The following ZNF90 variants were observed in gnomAD, a reference collection of about 807,000 sequenced individuals.
The protein encoded by ZNF90 is zinc finger protein HTF9.
Under a neutral mutation model 12.0 loss-of-function variants are expected in ZNF90, and 11 were observed. The observed-to-expected ratio is 0.92, with a 90% confidence interval of 0.58 to 1.52. The LOEUF (loss-of-function observed/expected upper bound fraction) is 1.52, where lower values mean the gene tolerates loss of function less well. Ranked by LOEUF, ZNF90 falls within the 40% of genes most tolerant of loss-of-function variation. The probability of loss-of-function intolerance (pLI) is 0.00; values close to 1 mark genes in which losing one functional copy is unlikely to be tolerated. For missense variants in ZNF90, 765 were observed against 711.5 expected, an observed-to-expected ratio of 1.08 and a Z score of -0.86; for synonymous variants, 232 against 240.1, an observed-to-expected ratio of 0.97 and a Z score of 0.31.
chr19:20,100,148 C>T (rs1047293903), intron 1 of ZNF90, among the ~76,000 whole-genome samples: 2 of 152,166 alleles, frequency 1.3e-5, no homozygotes, highest in Non-Finnish European at 2.9e-5. Context: ...GAATGGGGAA[C>T]CTCAGGAGGA....
chr19:20,091,331 G>A (rs1162224071), intron 1 of ZNF90, among the ~76,000 whole-genome samples: 10 of 152,132 alleles, frequency 6.6e-5, no homozygotes, highest in Non-Finnish European at 1.2e-4. Flanking sequence ...AGATTTCCAT[G>A]ATGGAAAGGA....
At position 20,121,075 on chromosome 19, in the gene ZNF90, G is replaced by T; in HGVS notation, c.*1715G>T. ...CAGAGTAATACTTTTCTACATTATA[G>T]TGAGAGAAATTATGAATTACAGTTA... On this transcript the variant is annotated 3_prime_UTR_variant, in exon 4 of 4. Coordinates refer to ENST00000418063, the MANE Select transcript of ZNF90 (RefSeq NM_007138.2). 5.6e-6 allele frequency: 1 copy of T among 177,072 alleles called. No homozygotes were observed. Among genetic ancestry groups the T allele is most frequent in the Non-Finnish European group, 1.2e-5 (1 of 81,082 alleles). 11.0% of individuals were successfully genotyped at this position (177,072 alleles called of 1,614,324 possible).
chr19:20,083,261 AT>A (rs1220671259), intron 1 of ZNF90, among the ~76,000 whole-genome samples: 3 of 151,188 alleles, frequency 2.0e-5, no homozygotes, highest in Non-Finnish European at 4.4e-5. Context: ...GTCCCACCCG[AT>A]GAGAAATACT....
chr19:20,119,233 C>G lies in ZNF90; in HGVS notation c.1679C>G (p.Thr560Ser). Residue 560 changes from threonine to serine, a missense_variant, in exon 4 of 4, where the codon ACT becomes AGT. Transcript: ENST00000418063. Reference protein sequence around the residue: ...SQLTSHKISHTGEKPYKCEEC... With the variant: ...SQLTSHKISHSGEKPYKCEEC... ...CTTACTAGTCATAAGATAAGTCATA[C>G]TGGAGAGAAACCCTACAAATGTGAA... 1.9e-6 allele frequency: 3 copies of G among 1,612,788 alleles called. No individual in the cohort carries two copies. The African/African-American group carries it at 4.0e-5, about 22-fold the overall frequency.
In ZNF90 at chr19:20,119,622, C is replaced by CA; in HGVS notation, c.*262_*263insA. On this transcript the variant is annotated 3_prime_UTR_variant, in exon 4 of 4. Transcript: ENST00000418063. Reference sequence around the variant, plus strand: ...CAAAGCCTATAACAAGTTCTCAATTCTTTTTTTTTTTTTTTAAGAAGGAGT... The same window carrying CA: ...CAAAGCCTATAACAAGTTCTCAATTCATTTTTTTTTTTTTTTAAGAAGGAGT... 2 of 234,242 alleles carry CA rather than the reference C, an allele frequency of 8.5e-6. No individual in the cohort carries two copies. The highest frequency in any genetic ancestry group is 1.6e-5 in the Non-Finnish European group (2 of 123,388). The allele number at this position is 234,242 out of a possible 1,614,324, so 14.5% of individuals were successfully genotyped here. A position where few individuals can be genotyped will look rare whatever the true frequency, so the allele number is the denominator to read the frequency against.
At chr19:20,086,206 A>G (rs1555702018) in intron 1 of ZNF90, among the ~76,000 whole-genome samples, 1 of 150,218 alleles carries the variant, frequency 6.7e-6, no homozygotes, top group East Asian at 1.9e-4. Context: ...ACCTGCATTC[A>G]TATAAATTAA....
intron 1 of ZNF90, among the ~76,000 whole-genome samples, chr19:20,094,223 C>T (rs1170184123): frequency 3.3e-5 from 5 of 152,182 alleles, no homozygotes; most frequent in Admixed American, 6.5e-5. Context: ...AATGCATTGC[C>T]GTCTGGCTGC....
chr19:20,110,362 C>G (rs189165452), intron 3 of ZNF90, among the ~76,000 whole-genome samples: 2 of 151,766 alleles, frequency 1.3e-5, no homozygotes, highest in South Asian at 2.1e-4. Context: ...CACTGCAACC[C>G]CTGCCTCCTG....
Position 20,081,769 on chromosome 19 carries a change from C to T in ZNF90, c.3+3634C>T, listed in dbSNP as rs867594329. On this transcript the variant is annotated intron_variant, in intron 1 of 3. Coordinates refer to ENST00000418063, the MANE Select transcript of ZNF90 (RefSeq NM_007138.2). ...TGTTTTTTTTCTTTCTTTCTTTCTT[C>T]TTTTTTTTTTTTTGAGATGGCGTCT... 4.2e-3 allele frequency among the ~76,000 whole-genome samples: 581 copies of T among 139,378 alleles called. 5 individuals carry two copies. Among genetic ancestry groups the T allele is most frequent in the African/African-American group, 0.016 (553 of 35,254 alleles). 91.4% of individuals were successfully genotyped at this position (139,378 alleles called of 152,430 possible).
chr19:20,115,270 T>A (rs1247175005), intron 3 of ZNF90, among the ~76,000 whole-genome samples: 1 of 152,108 alleles, frequency 6.6e-6, no homozygotes, highest in African/African-American at 2.4e-5. Flanking sequence ...TTTAATAAAC[T>A]TTTTTATTGA....
At position 20,119,174 on chromosome 19, in the gene ZNF90, A is replaced by T. The variant is rs781978590; in HGVS notation, c.1620A>T (p.Glu540Asp). 1 of 1,613,014 alleles carries T rather than the reference A, an allele frequency of 6.2e-7. No homozygotes were observed. The highest frequency in any genetic ancestry group is 2.2e-5 in the East Asian group (1 of 44,800). The change falls in exon 4 of 4, where the codon GAA (glutamate) becomes GAT (aspartate). Residue 540 changes from glutamate to aspartate, a missense_variant. Physicochemically the swap from Glu to Asp is conservative, Grantham distance 45. Transcript: ENST00000418063. The part of the protein sequence containing the change: ...IHTGAKPYKC[E>D]ECGKAFKRSS... ...CTGGAGCGAAACCCTACAAATGTGA[A>T]GAATGTGGCAAAGCCTTTAAGCGCT...
At chr19:20,078,724 G>A (rs1004474094) in intron 1 of ZNF90, among the ~76,000 whole-genome samples, 4 of 151,998 alleles carry the variant, frequency 2.6e-5, no homozygotes, top group Non-Finnish European at 5.9e-5. Context: ...CGCATTACCC[G>A]ATTTGGAAAA....
intron 3 of ZNF90, among the ~76,000 whole-genome samples, chr19:20,107,957 T>C (rs971661727): frequency 2.0e-5 from 3 of 152,158 alleles, no homozygotes; most frequent in Non-Finnish European, 4.4e-5. Context: ...ATCTAAATAA[T>C]ATAGATTATT....
rs540718947 is a variant in ZNF90, at chr19:20,095,764, G to T, written c.4-8475G>T. Reference sequence around the variant, plus strand: ...AGAAAAGTGGGACTTGCCGCTAAGGGTGAAGGAGAAGGGGTTGAGGGGTTC... The same window carrying T: ...AGAAAAGTGGGACTTGCCGCTAAGGTTGAAGGAGAAGGGGTTGAGGGGTTC... On this transcript the variant is annotated intron_variant, in intron 1 of 3. Transcript: ENST00000418063. Among the ~76,000 whole-genome samples, 225 of 152,212 alleles carry T rather than the reference G, an allele frequency of 1.5e-3. 1 individual carries two copies. The highest frequency in any genetic ancestry group is 5.0e-3 in the African/African-American group (206 of 41,534).
chr19:20,096,558 G>A (rs1357408973), intron 1 of ZNF90, among the ~76,000 whole-genome samples: 2 of 152,102 alleles, frequency 1.3e-5, no homozygotes, highest in Non-Finnish European at 2.9e-5. Context: ...CAGTGGGGGT[G>A]CTTTTTGAGC....
chr19:20,104,810 C>T (rs782273631), intron 2 of ZNF90, among the ~76,000 whole-genome samples: 5 of 152,076 alleles, frequency 3.3e-5, no homozygotes, highest in Non-Finnish European at 7.3e-5. Context: ...GCCTAACCAA[C>T]ATAAAGAAAC....
chr19:20,080,248 T>C, intron 1 of ZNF90: 1 of 582,764 alleles, frequency 1.7e-6, no homozygotes, highest in Non-Finnish European at 3.4e-6. Flanking sequence ...GATGCAATTC[T>C]TCACCAGGGT....
chr19:20,106,831 T>C (rs781810357), intron 3 of ZNF90: 13 of 451,764 alleles, frequency 2.9e-5, no homozygotes, highest in Non-Finnish European at 4.9e-5. Flanking sequence ...TCTGAATTGA[T>C]AGTGAAGAGG....
chr19:20,100,436 CTCT>C (rs2088980418), intron 1 of ZNF90, among the ~76,000 whole-genome samples: 1 of 152,184 alleles, frequency 6.6e-6, no homozygotes, highest in African/African-American at 2.4e-5. Context: ...TTAAGTTTGT[CTCT>C]TCCAGAAGCA....
Sources: gnomAD v4.1 joint callset for allele counts (sites outside exome capture counted in the v4.1 genomes callset) on GRCh38, gnomAD v4.1.1 for gene constraint, MANE v1.5 for transcripts, NCBI Gene and HGNC (gene_info 2026-07-23, HGNC 2026-07-21) for gene names.